The following RASGEF1A variants were observed in gnomAD, a reference collection of about 807,000 sequenced individuals.
RASGEF1A encodes RasGEF domain family member 1A.
Under a neutral mutation model 56.4 loss-of-function variants are expected in RASGEF1A, and 18 were observed. The observed-to-expected ratio is 0.32, with a 90% CI of 0.22 to 0.47. The LOEUF is 0.47. Ranked by LOEUF, RASGEF1A falls within the 20% of genes least tolerant of loss-of-function variation. The pLI is 1.00. For missense variants in RASGEF1A, 422 were observed against 627.1 expected, an observed-to-expected ratio of 0.67 and a Z score of 3.49; for synonymous variants, 245 against 242.6, an observed-to-expected ratio of 1.01 and a Z score of -0.09.
In RASGEF1A at chr10:43,232,980, C is replaced by T. The variant is rs1186938407; in HGVS notation, c.-6-26858G>A. Among the ~76,000 whole-genome samples, 3 of 152,286 alleles carry T rather than the reference C, an allele frequency of 2.0e-5. No homozygotes were observed. The East Asian group carries it at 5.8e-4, about 29-fold the overall frequency. ...AATAGCCCCATCAGGGACCTCAATG[C>T]TCCCTGCTCAGCCTCGACAGGCCCT... On this transcript the variant is annotated intron_variant, in intron 1 of 12. Coordinates refer to ENST00000395810, the MANE Select transcript of RASGEF1A (RefSeq NM_145313.4).
At chr10:43,239,118 G>C (rs1224543815) in intron 1 of RASGEF1A, among the ~76,000 whole-genome samples, 1 of 152,184 alleles carries the variant, frequency 6.6e-6, no homozygotes, top group Non-Finnish European at 1.5e-5. Flanking sequence ...TACGTTCTGT[G>C]GCAGCTGCAG....
In RASGEF1A at chr10:43,210,787, C is replaced by G. The variant is rs566283534; in HGVS notation, c.-6-4665G>C. 1.2e-4 allele frequency among the ~76,000 whole-genome samples: 18 copies of G among 152,168 alleles called. 1 individual carries two copies. The highest frequency in any genetic ancestry group is 4.3e-4 in the African/African-American group (18 of 41,426). On this transcript the variant is annotated intron_variant, in intron 1 of 12. Transcript: ENST00000395810. The stretch of plus-strand genomic sequence containing the variant: ...GGCCGGGGCCAGCCAGTGTGCCAGA[C>G]CAGTCTCTGTGGGAACCCTCACCTC...
intron 10 of RASGEF1A, 142 bp downstream of exon 10, chr10:43,197,862 T>A: frequency 1.5e-6 from 1 of 671,850 alleles, no homozygotes; most frequent in Middle Eastern, 4.2e-4. Context: ...TGACCCACTA[T>A]GAGGCTTTCA....
At chr10:43,224,134 G>A (rs1380825213) in intron 1 of RASGEF1A, among the ~76,000 whole-genome samples, 1 of 152,092 alleles carries the variant, frequency 6.6e-6, no homozygotes, top group Non-Finnish European at 1.5e-5. Context: ...ATAAAAGAAA[G>A]CCCTGGCTGA....
intron 1 of RASGEF1A, among the ~76,000 whole-genome samples, chr10:43,257,175 A>G (rs908397124): frequency 3.3e-5 from 5 of 152,212 alleles, no homozygotes; most frequent in Non-Finnish European, 1.5e-5. Flanking sequence ...AATCCCTCAC[A>G]TGGCTCCAGA....
intron 1 of RASGEF1A, among the ~76,000 whole-genome samples, chr10:43,210,514 G>A (rs1840051526): frequency 6.6e-6 from 1 of 152,208 alleles, no homozygotes; most frequent in African/African-American, 2.4e-5. Flanking sequence ...CTCAGCTGTA[G>A]TATGTGCACA....
At chr10:43,216,976 T>C (rs780506105) in intron 1 of RASGEF1A, among the ~76,000 whole-genome samples, 6 of 152,144 alleles carry the variant, frequency 3.9e-5, no homozygotes, top group Non-Finnish European at 8.8e-5. Context: ...CTTCCCCATC[T>C]TCTGACCCTG....
chr10:43,234,829 G>C (rs911646316), intron 1 of RASGEF1A, among the ~76,000 whole-genome samples: 2 of 152,200 alleles, frequency 1.3e-5, no homozygotes, highest in Admixed American at 6.5e-5. Context: ...AGCTCCAGAG[G>C]CTCCTCAGAC....
At chr10:43,209,993 G>T (rs946220355) in intron 1 of RASGEF1A, among the ~76,000 whole-genome samples, 1 of 152,210 alleles carries the variant, frequency 6.6e-6, no homozygotes, top group Non-Finnish European at 1.5e-5. Flanking sequence ...AAGTGTGGCC[G>T]CTGGACCTGC....
intron 1 of RASGEF1A, among the ~76,000 whole-genome samples, chr10:43,222,006 C>A (rs529631501): frequency 6.6e-6 from 1 of 152,292 alleles, no homozygotes; most frequent in East Asian, 1.9e-4. Context: ...GCATCTTAGG[C>A]GATTTCGTCG....
chr10:43,200,636 A>C lies in RASGEF1A; in HGVS notation c.681+31T>G. 1.9e-6 allele frequency: 3 copies of C among 1,584,892 alleles called. No homozygotes were observed. The South Asian group carries it at 3.3e-5, about 18-fold the overall frequency. On this transcript the variant is annotated intron_variant, in intron 5 of 12. Transcript: ENST00000395810. ...GAGGCACTGTGGTCCCACAGCCCCC[A>C]CCCCCAGTCAGGGCATAAGGCAGCA...
Position 43,203,396 on chromosome 10 carries a change from G to A in RASGEF1A, c.223C>T (p.Leu75=), listed in dbSNP as rs988989783. The change falls in exon 3 of 13, where the codon CTG becomes TTG. Residue 75 remains leucine, a synonymous_variant. Coordinates refer to ENST00000395810, the MANE Select transcript of RASGEF1A (RefSeq NM_145313.4). ...PDRTYIFTFL[L]SSRVFMPPHD... is the part of the protein sequence containing the mutation. ...GGGGGCATAAAGACCCGGGAGCTCAGGAGAAAGGTGAAGATGTACGTCCTC... is the reference window on the plus strand; with the variant it reads ...GGGGGCATAAAGACCCGGGAGCTCAAGAGAAAGGTGAAGATGTACGTCCTC... The A allele has an allele frequency of 5.7e-6, 9 of 1,582,836 alleles. No individual in the cohort carries two copies. Among genetic ancestry groups the A allele is most frequent in the African/African-American group, 1.3e-5 (1 of 74,176 alleles).
chr10:43,246,869 G>A (rs146893119), intron 1 of RASGEF1A, among the ~76,000 whole-genome samples: 328 of 152,286 alleles, frequency 2.2e-3, no homozygotes, highest in African/African-American at 6.8e-3. Flanking sequence ...CAATAGTTTC[G>A]TAAATATGAC....
chr10:43,246,375 T>G (rs1205510656), intron 1 of RASGEF1A, among the ~76,000 whole-genome samples: 1 of 152,124 alleles, frequency 6.6e-6, no homozygotes, highest in Non-Finnish European at 1.5e-5. Flanking sequence ...CTATCAAAAT[T>G]CTAGCTGGCT....
chr10:43,234,013 G>C (rs1460523783), intron 1 of RASGEF1A, among the ~76,000 whole-genome samples: 1 of 152,138 alleles, frequency 6.6e-6, no homozygotes, highest in Non-Finnish European at 1.5e-5. Context: ...TTGGCCCCAC[G>C]TGGAGCCAGC....
At chr10:43,247,104 A>C (rs1840574404) in intron 1 of RASGEF1A, among the ~76,000 whole-genome samples, 1 of 152,262 alleles carries the variant, frequency 6.6e-6, no homozygotes, top group Admixed American at 6.5e-5. Context: ...AAACGGGCAA[A>C]GGCCCTCATG....
rs1284864131 is a variant in RASGEF1A at position 43,194,664 on chromosome 10, A to C, written c.*1580T>G. The C allele has an allele frequency of 6.6e-6, 1 of 152,280 alleles. No homozygotes were observed. Among genetic ancestry groups the C allele is most frequent in the Non-Finnish European group, 1.5e-5 (1 of 68,062 alleles). The allele number at this position is 152,280 out of a possible 1,614,324, so 9.4% of individuals were successfully genotyped here. On this transcript the variant is annotated 3_prime_UTR_variant, in exon 13 of 13. Transcript: ENST00000395810. Reference sequence around the variant, plus strand: ...AAAACATCAAATCAGGGTATGTATCAAATTGGGAAAATAAAGTAGCAGACA... The same window carrying C: ...AAAACATCAAATCAGGGTATGTATCCAATTGGGAAAATAAAGTAGCAGACA...
intron 1 of RASGEF1A, among the ~76,000 whole-genome samples, chr10:43,237,438 C>T (rs1300974076): frequency 2.0e-5 from 2 of 100,328 alleles, no homozygotes; most frequent in African/African-American, 6.0e-5. Context: ...CCCACTCTCC[C>T]CCTCCTCCCC....
Position 43,197,079 on chromosome 10 carries a change from T to C in RASGEF1A, c.1245A>G (p.Arg415=), listed in dbSNP as rs769804466. The part of the protein sequence containing the change: ...INFKKFWEIS[R]QIHEFMTWTQ... ...TCCATGTCATGAACTCATGGATCTG[T>C]CTGGAGATCTCCCAGAATTTCTGAA... Residue 415 remains arginine, a synonymous_variant, in exon 11 of 13, where the codon AGA becomes AGG. Coordinates refer to ENST00000395810, the MANE Select transcript of RASGEF1A (RefSeq NM_145313.4). 2 of 1,613,916 alleles carry C rather than the reference T, an allele frequency of 1.2e-6. No homozygotes were observed. Among genetic ancestry groups the C allele is most frequent in the South Asian group, 1.1e-5 (1 of 91,060 alleles).
Sources: allele counts gnomAD v4.1 joint callset (sites outside exome capture counted in the v4.1 genomes callset), GRCh38; gene constraint gnomAD v4.1.1; transcripts MANE v1.5; gene names NCBI Gene and HGNC (gene_info 2026-07-23, HGNC 2026-07-21).